Variants in LY6K observed in about 807,000 individuals in gnomAD.
LY6K encodes the protein lymphocyte antigen 6 family member K.
In LY6K, 9 loss-of-function variants were observed where a neutral mutation model predicts 10.4. The observed-to-expected ratio is 0.87, with a 90% confidence interval of 0.52 to 1.52. The LOEUF (loss-of-function observed/expected upper bound fraction) is 1.52, where lower values mean the gene tolerates loss of function less well. LY6K is among the 40% of genes most tolerant of loss of function. The pLI, the probability that LY6K is intolerant of heterozygous loss-of-function variation, is 0.00. For missense variants in LY6K, 217 were observed against 211.7 expected, an observed-to-expected ratio of 1.02 and a Z score of -0.15; for synonymous variants, 98 against 83.7, an observed-to-expected ratio of 1.17 and a Z score of -0.94.
chr8:142,703,067 C>T, intron 2 of LY6K, 24 bp from the exon 3 acceptor site: 1 of 1,611,912 alleles, frequency 6.2e-7, no homozygotes, highest in Non-Finnish European at 8.5e-7. Flanking sequence ...TGATTGCCTT[C>T]TCTCGGTCTT....
chr8:142,703,527 TA>T lies in LY6K; in HGVS notation c.*158del. The T allele has an allele frequency of 1.2e-6, 1 of 842,352 alleles. No individual in the cohort carries two copies. Among genetic ancestry groups the T allele is most frequent in the Non-Finnish European group, 1.8e-6 (1 of 559,464 alleles). 52.2% of individuals were successfully genotyped at this position (842,352 alleles called of 1,614,324 possible). A position where few individuals can be genotyped will look rare whatever the true frequency, so the allele number is the denominator to read the frequency against. On this transcript the variant is annotated 3_prime_UTR_variant, in exon 3 of 3. Transcript: ENST00000292430. ...GTGGGGATCAGGTGCAGTTGGCTCT[TA>T]ACCCTCAAGGGTTCTTTAACTCACA...
At position 142,700,373 on chromosome 8, in the gene LY6K, G is replaced by A. The variant is rs372019972; in HGVS notation, c.-155G>A. ...CCTGAGATGAGGCTCCAAAGACCCC[G>A]ACAGGCCCCGGCGGGTGGGAGGCGC... On this transcript the variant is annotated 5_prime_UTR_variant, in exon 1 of 3. Transcript: ENST00000292430. 2.2e-6 allele frequency: 3 copies of A among 1,336,022 alleles called. No individual in the cohort carries two copies. Among genetic ancestry groups the A allele is most frequent in the South Asian group, 1.8e-5 (1 of 54,692 alleles). 82.8% of individuals were successfully genotyped at this position (1,336,022 alleles called of 1,614,324 possible).
In LY6K at chr8:142,700,829, C is replaced by G. The variant is rs748555162; in HGVS notation, c.103+199C>G. ...GCGGGGCAGCCTGAGCCCGGCCCTTCCCCAGCCCTTGCCCCGCTCCGGCCG... is the reference window on the plus strand; with the variant it reads ...GCGGGGCAGCCTGAGCCCGGCCCTTGCCCAGCCCTTGCCCCGCTCCGGCCG... On this transcript the variant is annotated intron_variant, in intron 1 of 2. Transcript: ENST00000292430. 2.0e-3 allele frequency among the ~76,000 whole-genome samples: 306 copies of G among 152,242 alleles called. 3 individuals carry two copies. The highest frequency in any genetic ancestry group is 4.2e-3 in the Admixed American group (65 of 15,306).
chr8:142,703,467 C>G lies in LY6K; in HGVS notation c.*96C>G. ...TAAACTTGTTTTCTGTTGATTACCT[C>G]TTGGTTTGACTTCCCAGGGTCTTGG... On this transcript the variant is annotated 3_prime_UTR_variant, in exon 3 of 3. Transcript: ENST00000292430. The G allele has an allele frequency of 7.0e-7, 1 of 1,434,784 alleles. No individual in the cohort carries two copies. The highest frequency in any genetic ancestry group is 2.6e-4 in the Middle Eastern group (1 of 3,886). The allele number at this position is 1,434,784 out of a possible 1,614,324, so 88.9% of individuals were successfully genotyped here.
At chr8:142,702,653 A>G (rs2129934122) in intron 2 of LY6K, 1 of 1,524,096 alleles carries the variant, frequency 6.6e-7, no homozygotes, top group East Asian at 2.5e-5. Flanking sequence ...TGATTTGTAC[A>G]GTGATGTATA....
chr8:142,702,722 G>C, intron 2 of LY6K: 1 of 1,494,308 alleles, frequency 6.7e-7, no homozygotes, highest in East Asian at 2.5e-5. Flanking sequence ...GGCCCACCAA[G>C]AGGCCAGCTC....
At chr8:142,702,097 C>G in intron 2 of LY6K, 1 of 284,352 alleles carries the variant, frequency 3.5e-6, no homozygotes, top group Non-Finnish European at 6.7e-6. Context: ...GCGTAAGCCA[C>G]CGCGCCCTGC....
At chr8:142,700,714 C>T (rs1175119448) in intron 1 of LY6K, 84 bp downstream of exon 1, 22 of 1,297,618 alleles carry the variant, frequency 1.7e-5, no homozygotes, top group Non-Finnish European at 2.1e-5. Flanking sequence ...GCCACCGCCC[C>T]GACCAGGCCG....
chr8:142,702,515 T>A, intron 2 of LY6K: 2 of 1,535,690 alleles, frequency 1.3e-6, no homozygotes, highest in Non-Finnish European at 1.7e-6. Context: ...TCTTCAGGGC[T>A]CGTGAATTCT....
Position 142,700,254 on chromosome 8 carries a change from C to A in LY6K, c.-274C>A. On this transcript the variant is annotated 5_prime_UTR_variant, in exon 1 of 3. Coordinates refer to ENST00000292430, the MANE Select transcript of LY6K (RefSeq NM_017527.4). ...TTCCACACGCGCCTTTCCCAGGGCT[C>A]CCGCGCCCGTTCCTGCCTGGCCGCC... 1 of 1,072,172 alleles carries A rather than the reference C, an allele frequency of 9.3e-7. No homozygotes were observed. Among genetic ancestry groups the A allele is most frequent in the Non-Finnish European group, 1.2e-6 (1 of 852,520 alleles). The allele number at this position is 1,072,172 out of a possible 1,614,324, so 66.4% of individuals were successfully genotyped here. A position where few individuals can be genotyped will look rare whatever the true frequency, so the allele number is the denominator to read the frequency against.
Position 142,700,271 on chromosome 8 carries a change from C to T in LY6K, c.-257C>T, listed in dbSNP as rs1814945920. The T allele has an allele frequency of 1.7e-6, 2 of 1,179,334 alleles. No homozygotes were observed. The highest frequency in any genetic ancestry group is 8.0e-5 in the East Asian group (2 of 25,000). 73.1% of individuals were successfully genotyped at this position (1,179,334 alleles called of 1,614,324 possible). On this transcript the variant is annotated 5_prime_UTR_variant, in exon 1 of 3. Coordinates refer to ENST00000292430, the MANE Select transcript of LY6K (RefSeq NM_017527.4). ...CCAGGGCTCCCGCGCCCGTTCCTGCCTGGCCGCCGGCCGCTCCAACAGCAG... is the reference window on the plus strand; with the variant it reads ...CCAGGGCTCCCGCGCCCGTTCCTGCTTGGCCGCCGGCCGCTCCAACAGCAG...
chr8:142,703,499 A>T lies in LY6K; in HGVS notation c.*128A>T. 1 of 1,161,774 alleles carries T rather than the reference A, an allele frequency of 8.6e-7. No individual in the cohort carries two copies. The highest frequency in any genetic ancestry group is 1.2e-6 in the Non-Finnish European group (1 of 844,880). 72.0% of individuals were successfully genotyped at this position (1,161,774 alleles called of 1,614,324 possible). On this transcript the variant is annotated 3_prime_UTR_variant, in exon 3 of 3. Coordinates refer to ENST00000292430, the MANE Select transcript of LY6K (RefSeq NM_017527.4). ...TGACTTCCCAGGGTCTTGGGATGGG[A>T]GAGTGGGGATCAGGTGCAGTTGGCT... is the stretch of plus-strand genomic sequence containing the variant.
At chr8:142,703,035 G>A (rs781834232) in intron 2 of LY6K, 56 bp from the exon 3 acceptor site, 25 of 1,602,836 alleles carry the variant, frequency 1.6e-5, no homozygotes, top group South Asian at 4.4e-5. Flanking sequence ...GAAGGGCCTC[G>A]GTGTCAGGCA....
chr8:142,701,813 G>T (rs2129928145), intron 2 of LY6K, 100 bp downstream of exon 2: 2 of 714,272 alleles, frequency 2.8e-6, no homozygotes, highest in Non-Finnish European at 4.8e-6. Context: ...ATAACTAATA[G>T]AAAGTAGCCT....
At chr8:142,703,059 A>C in intron 2 of LY6K, 32 bp from the exon 3 acceptor site, 1 of 1,610,764 alleles carries the variant, frequency 6.2e-7, no homozygotes, top group Non-Finnish European at 8.5e-7. Flanking sequence ...GAATTGCGTG[A>C]TTGCCTTCTC....
intron 1 of LY6K, among the ~76,000 whole-genome samples, chr8:142,700,959 T>G (rs1043770662): frequency 1.3e-5 from 2 of 149,224 alleles, no homozygotes; most frequent in Non-Finnish European, 3.0e-5. Flanking sequence ...CGGCTCCTCC[T>G]GCAGAGCTAG....
In LY6K at chr8:142,703,240, T is replaced by G; in HGVS notation, c.367T>G (p.Leu123Val). 2 of 1,614,128 alleles carry G rather than the reference T, an allele frequency of 1.2e-6. No homozygotes were observed. Among genetic ancestry groups the G allele is most frequent in the South Asian group, 1.1e-5 (1 of 91,082 alleles). ...GTGTTGTAAAATTCGCTACTGCAATTTAGAGGGGCCACCTATCAACTCATC... is the reference window on the plus strand; with the variant it reads ...GTGTTGTAAAATTCGCTACTGCAATGTAGAGGGGCCACCTATCAACTCATC... ...LKCCKIRYCN[L>V]EGPPINSSVF... The change falls in exon 3 of 3, where the codon TTA becomes GTA. Residue 123 changes from leucine to valine, a missense_variant. By Grantham distance (32) the Leu-to-Val change is conservative (BLOSUM62 1). Coordinates refer to ENST00000292430, the MANE Select transcript of LY6K (RefSeq NM_017527.4).
At chr8:142,700,749 C>T (rs1814979531) in intron 1 of LY6K, 119 bp downstream of exon 1, 3 of 1,100,956 alleles carry the variant, frequency 2.7e-6, no homozygotes, top group Admixed American at 8.6e-5. Context: ...TCAGGCGGCC[C>T]GTGGCGCCTG....
In LY6K at chr8:142,701,674, T is replaced by C; in HGVS notation, c.178T>C (p.Cys60Arg). 1 of 1,613,938 alleles carries C rather than the reference T, an allele frequency of 6.2e-7. No homozygotes were observed. The highest frequency in any genetic ancestry group is 8.5e-7 in the Non-Finnish European group (1 of 1,179,916). The change falls in exon 2 of 3, where the codon TGC (cysteine) becomes CGC (arginine). Residue 60 changes from cysteine (C) to arginine (R), a missense_variant. Cys to Arg is a radical substitution (Grantham distance 180, BLOSUM62 -3). Transcript: ENST00000292430. ...NTFECQNPRR[C>R]KWTEPYCVIA... is the part of the protein sequence containing the mutation. ...TTTCGAGTGCCAGAACCCAAGGAGG[T>C]GCAAATGGACAGAGCCATACTGCGT...
Sources: gnomAD v4.1 joint callset for allele counts (sites outside exome capture counted in the v4.1 genomes callset) on GRCh38, gnomAD v4.1.1 for gene constraint, MANE v1.5 for transcripts, NCBI Gene and HGNC (gene_info 2026-07-23, HGNC 2026-07-21) for gene names.